Variants in LRRC38 observed in about 807,000 individuals in gnomAD.
LRRC38 encodes leucine rich repeat containing 38.
A neutral mutation model predicts 16.4 loss-of-function variants in LRRC38; 5 were observed. The observed-to-expected ratio is 0.31, with a 90% CI of 0.16 to 0.64. The LOEUF (loss-of-function observed/expected upper bound fraction) is 0.64. Ranked by LOEUF, LRRC38 falls within the 30% of genes least tolerant of loss-of-function variation. The probability of loss-of-function intolerance (pLI) is 0.80; values close to 1 mark genes in which losing one functional copy is unlikely to be tolerated. For synonymous variants in LRRC38, 191 were observed against 190.2 expected, an observed-to-expected ratio of 1.00 and a Z score of -0.04; for missense variants, 341 against 401.8, an observed-to-expected ratio of 0.85 and a Z score of 1.29.
In LRRC38 at chr1:13,513,582, TCGGGGGCGCATGGCCGGGGGGCCC is replaced by T; in HGVS notation, c.-13_11del. On this transcript the variant is annotated start_lost and 5_prime_UTR_variant, in exon 1 of 2. Coordinates refer to ENST00000376085, the MANE Select transcript of LRRC38 (RefSeq NM_001010847.2). ...GCGCCGCGGCGGCGCAGGCTGGGGC[TCGGGGGCGCATGGCCGGGGGGCCC>T]GCGCCGGCCGCGGCGAGAAGGAAGC... 8.5e-7 allele frequency: 1 copy of T among 1,178,312 alleles called. No individual in the cohort carries two copies. Among genetic ancestry groups the T allele is most frequent in the East Asian group, 3.8e-5 (1 of 26,546 alleles). 73.0% of individuals were successfully genotyped at this position (1,178,312 alleles called of 1,614,324 possible).
chr1:13,501,367 C>T (rs1485298864), intron 1 of LRRC38, among the ~76,000 whole-genome samples: 1 of 152,056 alleles, frequency 6.6e-6, no homozygotes, highest in African/African-American at 2.4e-5. Flanking sequence ...CTTAATTTTC[C>T]ATAAACCTCA....
chr1:13,478,847 G>C (rs1160573065), intron 1 of LRRC38, among the ~76,000 whole-genome samples: 1 of 152,008 alleles, frequency 6.6e-6, no homozygotes, highest in African/African-American at 2.4e-5. Context: ...CTTCTGTCCT[G>C]CCCCATCTTT....
chr1:13,497,687 C>T (rs1639095948), intron 1 of LRRC38, among the ~76,000 whole-genome samples: 1 of 151,886 alleles, frequency 6.6e-6, no homozygotes, highest in Non-Finnish European at 1.5e-5. Flanking sequence ...GCTGAAATGA[C>T]ATTTTGGGCC....
At chr1:13,508,982 T>C (rs1397067246) in intron 1 of LRRC38, among the ~76,000 whole-genome samples, 1 of 152,158 alleles carries the variant, frequency 6.6e-6, no homozygotes, top group Non-Finnish European at 1.5e-5. Flanking sequence ...CATGATGCCC[T>C]TCCTAGACAG....
At chr1:13,479,661 T>C (rs879798140) in intron 1 of LRRC38, among the ~76,000 whole-genome samples, 18 of 152,216 alleles carry the variant, frequency 1.2e-4, no homozygotes, top group Non-Finnish European at 2.5e-4. Context: ...ACGGCAGTGC[T>C]TAGTGGGGCT....
In LRRC38 at chr1:13,487,016, C is replaced by A. The variant is rs1167039666; in HGVS notation, c.632-10917G>T. 6.6e-6 allele frequency among the ~76,000 whole-genome samples: 1 copy of A among 152,170 alleles called. No individual in the cohort carries two copies. The highest frequency in any genetic ancestry group is 2.4e-5 in the African/African-American group (1 of 41,432). ...GATTGACTAAATAGATGGCTGGAAC[C>A]CGTTCAGTCCAGCCAGCAGCCCCAC... is the stretch of plus-strand genomic sequence containing the variant. On this transcript the variant is annotated intron_variant, in intron 1 of 1. Coordinates refer to ENST00000376085, the MANE Select transcript of LRRC38 (RefSeq NM_001010847.2). The surrounding 1 kb of genome is among the most constrained non-coding windows in gnomAD (Gnocchi z 4.4).
chr1:13,501,223 C>T (rs1328357720), intron 1 of LRRC38, among the ~76,000 whole-genome samples: 2 of 151,606 alleles, frequency 1.3e-5, no homozygotes, highest in African/African-American at 4.9e-5. Context: ...TGAATATATA[C>T]AGCATATAAA....
chr1:13,476,188 C>A (rs1218870231), intron 1 of LRRC38, 89 bp from the exon 2 acceptor site: 10 of 1,268,086 alleles, frequency 7.9e-6, no homozygotes, highest in Admixed American at 2.2e-5. Flanking sequence ...ACAAAGCCAG[C>A]AATGTGCAAG....
intron 1 of LRRC38, among the ~76,000 whole-genome samples, chr1:13,491,896 G>A (rs1332004896): frequency 6.6e-6 from 1 of 152,042 alleles, no homozygotes; most frequent in African/African-American, 2.4e-5. Context: ...GGCTGGTCTC[G>A]AACTCCTGAC....
chr1:13,512,906 G>A (rs1386753823), intron 1 of LRRC38, 57 bp downstream of exon 1: 2 of 1,403,140 alleles, frequency 1.4e-6, no homozygotes, highest in East Asian at 2.5e-5. Flanking sequence ...CTGGGGTCTG[G>A]GGTGGCCTCT....
At chr1:13,477,981 G>T (rs139751268) in intron 1 of LRRC38, among the ~76,000 whole-genome samples, 30 of 152,256 alleles carry the variant, frequency 2.0e-4, no homozygotes, top group African/African-American at 7.0e-4. Context: ...TAAATATTAT[G>T]AACAGAGCCC....
chr1:13,475,670 C>T lies in LRRC38; in HGVS notation c.*176G>A. 1.3e-6 allele frequency: 1 copy of T among 751,852 alleles called. No individual in the cohort carries two copies. The highest frequency in any genetic ancestry group is 2.1e-6 in the Non-Finnish European group (1 of 477,710). 46.6% of individuals were successfully genotyped at this position (751,852 alleles called of 1,614,324 possible). A position where few individuals can be genotyped will look rare whatever the true frequency, so the allele number is the denominator to read the frequency against. ...CCTGGGCTTCTGTGCTCTGCTGATT[C>T]TAAACTCTGAGATCAGTGGTCCCAG... On this transcript the variant is annotated 3_prime_UTR_variant, in exon 2 of 2. Transcript: ENST00000376085. The surrounding 1 kb of genome is among the most constrained non-coding windows in gnomAD (Gnocchi z 4.3).
At chr1:13,506,511 G>A (rs780931401) in intron 1 of LRRC38, among the ~76,000 whole-genome samples, 1 of 152,144 alleles carries the variant, frequency 6.6e-6, no homozygotes, top group African/African-American at 2.4e-5. Flanking sequence ...AGGCTGGAGT[G>A]CAGTGGCATG....
At chr1:13,505,490 G>A (rs1008905012) in intron 1 of LRRC38, among the ~76,000 whole-genome samples, 13 of 152,194 alleles carry the variant, frequency 8.5e-5, no homozygotes, top group African/African-American at 3.1e-4. Context: ...CCCGTCCCTG[G>A]ATGACCCCTA....
intron 1 of LRRC38, among the ~76,000 whole-genome samples, chr1:13,506,103 G>C (rs559955023): frequency 3.7e-4 from 57 of 152,262 alleles, no homozygotes; most frequent in African/African-American, 1.4e-3. Context: ...GTCAGGCAGT[G>C]GTCACAGGAT....
intron 1 of LRRC38, among the ~76,000 whole-genome samples, chr1:13,491,064 C>T (rs1303627558): frequency 2.0e-5 from 3 of 152,190 alleles, no homozygotes; most frequent in Non-Finnish European, 4.4e-5. Context: ...ACCCTCTTGC[C>T]CAACAACCCT....
intron 1 of LRRC38, among the ~76,000 whole-genome samples, chr1:13,481,780 CCTCTCTCCCTCTCTCTCTCT>C (rs1308886439): frequency 0.17 from 9,881 of 58,312 alleles, 390 homozygotes; most frequent in Middle Eastern, 0.26. Flanking sequence ...TCCCTCTCTC[CCTCTCTCCCTCTCTCTCTCT>C]CTCTCTCTCT....
rs1274430495 is a variant in LRRC38, at chr1:13,487,412, A to T, written c.632-11313T>A. Among the ~76,000 whole-genome samples, 6 of 152,178 alleles carry T rather than the reference A, an allele frequency of 3.9e-5. No homozygotes were observed. The highest frequency in any genetic ancestry group is 1.4e-4 in the African/African-American group (6 of 41,444). ...CACCTCCCCACAATAGGCAGGCTCAACTGGTGGGAAGTCAACTTCCCACCT... is the reference window on the plus strand; with the variant it reads ...CACCTCCCCACAATAGGCAGGCTCATCTGGTGGGAAGTCAACTTCCCACCT... On this transcript the variant is annotated intron_variant, in intron 1 of 1. Coordinates refer to ENST00000376085, the MANE Select transcript of LRRC38 (RefSeq NM_001010847.2). This position sits in a 1 kb window ranked among gnomAD's most constrained non-coding sequence, Gnocchi z 4.4.
At chr1:13,493,586 G>A (rs1035079915) in intron 1 of LRRC38, among the ~76,000 whole-genome samples, 1 of 152,180 alleles carries the variant, frequency 6.6e-6, no homozygotes, top group Non-Finnish European at 1.5e-5. Flanking sequence ...GGATTATCCT[G>A]GATTTGCAGG....
Sources: allele counts gnomAD v4.1 joint callset (sites outside exome capture counted in the v4.1 genomes callset), GRCh38; gene constraint gnomAD v4.1.1; non-coding constraint Gnocchi (gnomAD v3.1); transcripts MANE v1.5; gene names NCBI Gene and HGNC (gene_info 2026-07-23, HGNC 2026-07-21).